The following GPC6 variants were observed in gnomAD, a reference collection of about 807,000 sequenced individuals.
GPC6 encodes glypican 6.
In GPC6, 14 loss-of-function variants were observed where a neutral mutation model predicts 55.2. The observed-to-expected ratio is 0.25, with a 90% CI of 0.17 to 0.40. The LOEUF is 0.40. GPC6 is among the 10% of genes least tolerant of loss of function. The pLI, the probability that GPC6 is intolerant of heterozygous loss-of-function variation, is 1.00. For synonymous variants in GPC6, 278 were observed against 259.6 expected (o/e 1.07, Z -0.68); for missense variants, 641 against 708.5 (o/e 0.90, Z 1.08).
At chr13:93,696,070 A>C (rs141802209) in intron 2 of GPC6, among the ~76,000 whole-genome samples, 1 of 152,168 alleles carries the variant, frequency 6.6e-6, no homozygotes, top group African/African-American at 2.4e-5. Context: ...CCTTTTTGAA[A>C]TGTATTCCCA....
At chr13:93,718,630 T>C (rs1006201909) in intron 2 of GPC6, among the ~76,000 whole-genome samples, 1 of 152,120 alleles carries the variant, frequency 6.6e-6, no homozygotes, top group Admixed American at 6.6e-5. Context: ...CTTGCCAATT[T>C]TGGCTTTTGT....
chr13:93,764,620 C>T (rs1205557446), intron 2 of GPC6, among the ~76,000 whole-genome samples: 1 of 150,970 alleles, frequency 6.6e-6, no homozygotes, highest in Admixed American at 6.6e-5. Flanking sequence ...ACCACACACA[C>T]TCACAAAGGC....
chr13:93,354,915 G>T (rs936187798), intron 1 of GPC6, among the ~76,000 whole-genome samples: 4 of 152,088 alleles, frequency 2.6e-5, no homozygotes, highest in Non-Finnish European at 5.9e-5. Flanking sequence ...TAACCTTCCT[G>T]TGTTTTTATC....
intron 3 of GPC6, among the ~76,000 whole-genome samples, chr13:94,005,708 G>A (rs1881990509): frequency 6.6e-6 from 1 of 152,064 alleles, no homozygotes; most frequent in Admixed American, 6.5e-5. Context: ...GCCAAAATAT[G>A]CAGCTACAAA....
chr13:93,456,206 T>G lies in GPC6; in HGVS notation c.161-89057T>G, dbSNP rs930610217. Among the ~76,000 whole-genome samples the G allele has an allele frequency of 3.1e-4, 16 of 51,056 alleles. No homozygotes were observed. The South Asian group carries it at 5.5e-3, about 18-fold the overall frequency. 33.5% of individuals were successfully genotyped at this position (51,056 alleles called of 152,430 possible). ...GCAAACATATTGGATCCTCTAAAGC[T>G]TAAAAGCTTCAGCATTCATAATTAA... On this transcript the variant is annotated intron_variant, in intron 1 of 8. Coordinates refer to ENST00000377047, the MANE Select transcript of GPC6 (RefSeq NM_005708.5).
intron 2 of GPC6, among the ~76,000 whole-genome samples, chr13:93,714,891 C>G (rs1484574618): frequency 6.6e-6 from 1 of 151,564 alleles, no homozygotes; most frequent in Non-Finnish European, 1.5e-5. Context: ...GGAACAGTCC[C>G]TTTTCTTTAT....
intron 3 of GPC6, among the ~76,000 whole-genome samples, chr13:93,926,249 A>G (rs1655643855): frequency 6.6e-6 from 1 of 152,214 alleles, no homozygotes; most frequent in Non-Finnish European, 1.5e-5. Context: ...GAGACTAGAT[A>G]CAACAAACCA....
chr13:94,033,398 A>G (rs1002408547), intron 4 of GPC6, among the ~76,000 whole-genome samples: 1 of 152,232 alleles, frequency 6.6e-6, no homozygotes, highest in Non-Finnish European at 1.5e-5. Context: ...CTTGGAACCT[A>G]CAAGAGTTGT....
intron 4 of GPC6, among the ~76,000 whole-genome samples, chr13:94,138,042 A>G (rs1947142099): frequency 6.6e-6 from 1 of 152,222 alleles, no homozygotes; most frequent in Non-Finnish European, 1.5e-5. Flanking sequence ...ACCTAATTGT[A>G]TAGTGTTTGC....
chr13:93,471,393 G>A (rs1307806212), intron 1 of GPC6, among the ~76,000 whole-genome samples: 1 of 151,648 alleles, frequency 6.6e-6, no homozygotes, highest in African/African-American at 2.4e-5. Context: ...AGCCAGGCGT[G>A]GTGGCGGGTG....
At chr13:93,866,802 G>C (rs1888979821) in intron 3 of GPC6, among the ~76,000 whole-genome samples, 1 of 151,672 alleles carries the variant, frequency 6.6e-6, no homozygotes, top group Non-Finnish European at 1.5e-5. Flanking sequence ...GCAATAATCT[G>C]TATCACAAAC....
intron 4 of GPC6, among the ~76,000 whole-genome samples, chr13:94,133,340 A>G (rs1887071615): frequency 6.6e-6 from 1 of 151,894 alleles, no homozygotes; most frequent in Non-Finnish European, 1.5e-5. Flanking sequence ...TAAAATTCTA[A>G]CTCTTAAAAT....
At chr13:93,961,047 C>G (rs930014575) in intron 3 of GPC6, among the ~76,000 whole-genome samples, 1 of 152,154 alleles carries the variant, frequency 6.6e-6, no homozygotes, top group African/African-American at 2.4e-5. Flanking sequence ...ATCTCCTGAC[C>G]TCGTGATCCG....
intron 4 of GPC6, among the ~76,000 whole-genome samples, chr13:94,084,180 G>A (rs1476532233): frequency 6.6e-6 from 1 of 152,148 alleles, no homozygotes; most frequent in Non-Finnish European, 1.5e-5. Flanking sequence ...GAAATGTTCT[G>A]TGGACATTTT....
At chr13:93,304,676 A>C (rs1272934464) in intron 1 of GPC6, among the ~76,000 whole-genome samples, 1 of 152,214 alleles carries the variant, frequency 6.6e-6, no homozygotes, top group African/African-American at 2.4e-5. Flanking sequence ...AAGAGGGACT[A>C]CTTCACTATG....
At chr13:93,843,440 G>A (rs530111725) in intron 3 of GPC6, among the ~76,000 whole-genome samples, 1 of 152,234 alleles carries the variant, frequency 6.6e-6, no homozygotes, top group Admixed American at 6.5e-5. Flanking sequence ...GGTATATAAA[G>A]GGGAGATAAG....
At chr13:94,003,665 G>A (rs942410658) in intron 3 of GPC6, among the ~76,000 whole-genome samples, 1 of 152,118 alleles carries the variant, frequency 6.6e-6, no homozygotes, top group Non-Finnish European at 1.5e-5. Context: ...AAGATTCTAT[G>A]ATATTACAAA....
Position 94,107,755 on chromosome 13 carries a change from G to C in GPC6, c.877+79861G>C, listed in dbSNP as rs149983432. On this transcript the variant is annotated intron_variant, in intron 4 of 8. Coordinates refer to ENST00000377047, the MANE Select transcript of GPC6 (RefSeq NM_005708.5). The stretch of plus-strand genomic sequence containing the variant: ...CATGAATAGACAATTCTCAAAAGAA[G>C]ATACACAAATGACCAGCAAACATGT... 7.5e-3 allele frequency among the ~76,000 whole-genome samples: 1,139 copies of C among 151,962 alleles called. 9 individuals carry two copies. The highest frequency in any genetic ancestry group is 0.031 in the Middle Eastern group (9 of 294).
chr13:93,694,683 C>T (rs1882384376), intron 2 of GPC6, among the ~76,000 whole-genome samples: 1 of 152,176 alleles, frequency 6.6e-6, no homozygotes, highest in Non-Finnish European at 1.5e-5. Flanking sequence ...AGTTGTGTTA[C>T]TGTCACCGCA....
Sources: gnomAD v4.1 joint callset for allele counts (sites outside exome capture counted in the v4.1 genomes callset) on GRCh38, gnomAD v4.1.1 for gene constraint, MANE v1.5 for transcripts, NCBI Gene and HGNC (gene_info 2026-07-23, HGNC 2026-07-21) for gene names.